TBC1D13: variants seen among roughly 807,000 people sequenced by gnomAD.
TBC1D13 encodes the protein TBC1 domain family member 13.
In TBC1D13, 40 loss-of-function variants were observed where a neutral mutation model predicts 53.6. That is an observed-to-expected ratio of 0.75 (90% CI 0.58 to 0.97). The LOEUF (loss-of-function observed/expected upper bound fraction) is 0.97. Among genes scored for constraint, TBC1D13 ranks in the 50% least tolerant of loss-of-function variants. The probability of loss-of-function intolerance (pLI) is 0.00; values close to 1 mark genes in which losing one functional copy is unlikely to be tolerated. For synonymous variants in TBC1D13, 182 were observed against 197.7 expected, an observed-to-expected ratio of 0.92 and a Z score of 0.67; for missense variants, 377 against 499.4, an observed-to-expected ratio of 0.75 and a Z score of 2.34.
intron 8 of TBC1D13, 137 bp downstream of exon 8, chr9:128,803,597 C>T: frequency 1.3e-6 from 1 of 781,474 alleles, no homozygotes; most frequent in Non-Finnish European, 2.1e-6. Context: ...TCCTTTGCAG[C>T]TGTGATCTTC....
intron 1 of TBC1D13, among the ~76,000 whole-genome samples, chr9:128,787,892 A>G (rs946377482): frequency 5.9e-5 from 9 of 152,040 alleles, no homozygotes; most frequent in Non-Finnish European, 8.8e-5. Flanking sequence ...AGGTCTTGTA[A>G]TGGTTATATT....
chr9:128,803,871 C>A, intron 8 of TBC1D13, 85 bp from the exon 9 acceptor site: 3 of 1,556,788 alleles, frequency 1.9e-6, no homozygotes, highest in Non-Finnish European at 2.6e-6. Context: ...CTCGGCGGGG[C>A]TCAGAGCAGG....
At position 128,807,899 on chromosome 9, in the gene TBC1D13, T is replaced by C. The variant is rs45609236; in HGVS notation, c.*20T>C. 1,125,733 of 1,612,562 alleles carry C rather than the reference T, an allele frequency of 0.7. 397,740 individuals carry two copies. Among genetic ancestry groups the C allele is most frequent in the Admixed American group, 0.76 (45,557 of 59,990 alleles). ...AAGTAGCCCGGCGGCAAGAGGCCCA[T>C]GTTCCGGAGAGAAGCCTCCCGACCC... is the stretch of plus-strand genomic sequence containing the variant. On this transcript the variant is annotated 3_prime_UTR_variant, in exon 12 of 12. Coordinates refer to ENST00000372648, the MANE Select transcript of TBC1D13 (RefSeq NM_018201.5).
rs1829783883 is a variant in TBC1D13 at position 128,804,050 on chromosome 9, C to T, written c.849C>T (p.Gly283=). 2 of 1,614,132 alleles carry T rather than the reference C, an allele frequency of 1.2e-6. No homozygotes were observed. Among genetic ancestry groups the T allele is most frequent in the East Asian group, 2.2e-5 (1 of 44,892 alleles). The change falls in exon 9 of 12, where the codon GGC becomes GGT. Residue 283 remains glycine (G), a synonymous_variant. Coordinates refer to ENST00000372648, the MANE Select transcript of TBC1D13 (RefSeq NM_018201.5). ...AGAGCCTGGATGACTCGCAGTGTGG[C>T]ATCACCTACAAGATGGAGAAGGTTT... ...FIKSLDDSQC[G]ITYKMEKVYS...
intron 6 of TBC1D13, among the ~76,000 whole-genome samples, chr9:128,795,190 G>A (rs998912836): frequency 1.3e-5 from 2 of 150,664 alleles, no homozygotes; most frequent in African/African-American, 4.9e-5. Flanking sequence ...GAGTAGCCAG[G>A]ACTGTAGGCA....
rs1280638095 is a variant in TBC1D13 at position 128,792,576 on chromosome 9, T to A, written c.383+2T>A. 1 of 1,613,698 alleles carries A rather than the reference T, an allele frequency of 6.2e-7. No homozygotes were observed. The highest frequency in any genetic ancestry group is 1.3e-5 in the African/African-American group (1 of 74,908). On this transcript the variant is annotated splice_donor_variant, in intron 6 of 11. Transcript: ENST00000372648. LOFTEE classifies it high-confidence loss of function. Reference sequence around the variant, plus strand: ...GCTGCAGATCGACAAAGATGTCCGGTAGGCAGGGTGCCTGGGGCCGGGAGC... The same window carrying A: ...GCTGCAGATCGACAAAGATGTCCGGAAGGCAGGGTGCCTGGGGCCGGGAGC...
chr9:128,796,266 T>G (rs1253193831), intron 6 of TBC1D13, among the ~76,000 whole-genome samples: 3 of 151,928 alleles, frequency 2.0e-5, no homozygotes, highest in Admixed American at 6.6e-5. Context: ...TTTTTTTTTT[T>G]GAGACGGAGT....
chr9:128,787,799 A>G (rs1199447205), intron 1 of TBC1D13, among the ~76,000 whole-genome samples: 1 of 151,966 alleles, frequency 6.6e-6, no homozygotes, highest in Non-Finnish European at 1.5e-5. Flanking sequence ...ATCCTGCAGC[A>G]TTGGCTGAAT....
intron 7 of TBC1D13, among the ~76,000 whole-genome samples, chr9:128,799,675 T>C (rs921691479): frequency 2.6e-5 from 4 of 152,182 alleles, no homozygotes; most frequent in African/African-American, 9.7e-5. Flanking sequence ...ATATTTTAGA[T>C]TGTTCAGTGG....
rs1829780204 is a variant in TBC1D13 at position 128,803,881 on chromosome 9, G to A, written c.755-75G>A. On this transcript the variant is annotated intron_variant, in intron 8 of 11. Transcript: ENST00000372648. ...GGCAACTCGGCGGGGCTCAGAGCAG[G>A]GCAGATGTCTGGTAGGTGAGAGGTG... 2.5e-6 allele frequency: 4 copies of A among 1,580,156 alleles called. No individual in the cohort carries two copies. The East Asian group carries it at 6.7e-5, about 26-fold the overall frequency.
intron 8 of TBC1D13, 110 bp from the exon 9 acceptor site, chr9:128,803,846 A>C (rs1490354640): frequency 7.0e-7 from 1 of 1,433,348 alleles, no homozygotes; most frequent in Non-Finnish European, 9.5e-7. Context: ...GAGCCAGACC[A>C]TGAGGATGGG....
intron 7 of TBC1D13, among the ~76,000 whole-genome samples, chr9:128,800,445 T>C (rs1829713116): frequency 6.9e-6 from 1 of 144,734 alleles, no homozygotes; most frequent in Non-Finnish European, 1.5e-5. Context: ...ATCTTGGCGC[T>C]CTGCAACCTC....
chr9:128,788,334 A>G lies in TBC1D13; in HGVS notation c.24A>G (p.Arg8=). The G allele has an allele frequency of 6.2e-7, 1 of 1,614,080 alleles. No individual in the cohort carries two copies. The highest frequency in any genetic ancestry group is 8.5e-7 in the Non-Finnish European group (1 of 1,179,964). The part of the protein sequence containing the change: MSSLHKS[R]IADFQDVLKE... Reference sequence around the variant, plus strand: ...TTTGCCGCCCTATCTCCCCTTCCAGAATTGCAGATTTCCAGGATGTCCTGA... The same window carrying G: ...TTTGCCGCCCTATCTCCCCTTCCAGGATTGCAGATTTCCAGGATGTCCTGA... Residue 8 remains arginine, a splice_region_variant and synonymous_variant, in exon 2 of 12, where the codon CGA becomes CGG. Transcript: ENST00000372648.
At position 128,806,053 on chromosome 9, in the gene TBC1D13, T is replaced by G. The variant is rs556676692; in HGVS notation, c.1079+34T>G. On this transcript the variant is annotated intron_variant, in intron 10 of 11. Transcript: ENST00000372648. ...GGGCATGAGCTGTCATCAGCTCACCTGGGCAGTCCTTGGAGAAGCCAGACA... is the reference window on the plus strand; with the variant it reads ...GGGCATGAGCTGTCATCAGCTCACCGGGGCAGTCCTTGGAGAAGCCAGACA... The G allele has an allele frequency of 1.9e-5, 30 of 1,605,988 alleles. No individual in the cohort carries two copies. In the South Asian group the frequency reaches 3.2e-4, roughly 17 times the overall value.
At chr9:128,805,621 G>T (rs970934438) in intron 9 of TBC1D13, among the ~76,000 whole-genome samples, 1 of 152,204 alleles carries the variant, frequency 6.6e-6, no homozygotes, top group Non-Finnish European at 1.5e-5. Context: ...TTATATAAAG[G>T]TTTGGGTTTC....
Position 128,787,289 on chromosome 9 carries a change from G to A in TBC1D13, c.-65G>A. 8.0e-7 allele frequency: 1 copy of A among 1,252,588 alleles called. No homozygotes were observed. The highest frequency in any genetic ancestry group is 1.0e-6 in the Non-Finnish European group (1 of 992,260). The allele number at this position is 1,252,588 out of a possible 1,614,324, so 77.6% of individuals were successfully genotyped here. ...CGCGTCCCTGGGGGGCGGCGGCGGC[G>A]GCGGCAGCGCAGGCGGCAGAGGCGC... On this transcript the variant is annotated 5_prime_UTR_variant, in exon 1 of 12. Coordinates refer to ENST00000372648, the MANE Select transcript of TBC1D13 (RefSeq NM_018201.5).
chr9:128,795,235 T>C (rs1829606782), intron 6 of TBC1D13, among the ~76,000 whole-genome samples: 1 of 149,554 alleles, frequency 6.7e-6, no homozygotes, highest in South Asian at 2.1e-4. Context: ...TTTTTTTTTT[T>C]TGAGGTGGAG....
chr9:128,799,572 A>C (rs918620106), intron 7 of TBC1D13, among the ~76,000 whole-genome samples: 1 of 152,194 alleles, frequency 6.6e-6, no homozygotes, highest in African/African-American at 2.4e-5. Context: ...TTCAGGGTCA[A>C]GTCCTGATGC....
chr9:128,803,508 G>A (rs756317860), intron 8 of TBC1D13, 48 bp downstream of exon 8: 3 of 1,578,400 alleles, frequency 1.9e-6, no homozygotes, highest in South Asian at 2.2e-5. Flanking sequence ...GCCCGTGTCA[G>A]GCTGTGCACC....
Sources: gnomAD v4.1 joint callset for allele counts (sites outside exome capture counted in the v4.1 genomes callset) on GRCh38, gnomAD v4.1.1 for gene constraint, MANE v1.5 for transcripts, NCBI Gene and HGNC (gene_info 2026-07-23, HGNC 2026-07-21) for gene names.